The following DMD variants were observed in gnomAD, a reference collection of about 807,000 sequenced individuals.
The protein encoded by DMD is dystrophin.
DMD carries 63 observed loss-of-function variants against 330.1 expected under a neutral mutation model. The observed-to-expected ratio is 0.19, with a 90% CI of 0.16 to 0.24. The LOEUF (loss-of-function observed/expected upper bound fraction) is 0.24. Ranked by LOEUF, DMD falls within the 10% of genes least tolerant of loss-of-function variation. The probability of loss-of-function intolerance (pLI) is 1.00; values close to 1 mark genes in which losing one functional copy is unlikely to be tolerated. For missense variants in DMD, 3,344 were observed against 2,684.1 expected (o/e 1.25, Z -5.43); for synonymous variants, 1,223 against 959.8 (o/e 1.27, Z -5.07).
At chrX:33,027,201 C>T (rs1414242193) in intron 1 of DMD, among the ~76,000 whole-genome samples, 1 of 111,902 alleles carries the variant, frequency 8.9e-6, no homozygotes, top group African/African-American at 3.3e-5. Context: ...AGGATTTAAT[C>T]ACAGGGGTCC....
chrX:32,676,309 A>T (rs1430832228), intron 9 of DMD, among the ~76,000 whole-genome samples: 1 of 111,198 alleles, frequency 9.0e-6, no homozygotes, highest in Non-Finnish European at 1.9e-5. Context: ...TCTTTCCACG[A>T]ACACAAAGTT....
intron 1 of DMD, among the ~76,000 whole-genome samples, chrX:33,060,989 G>A (rs764011996): frequency 1.8e-5 from 2 of 111,924 alleles, no homozygotes; most frequent in East Asian, 2.8e-4. Context: ...GTTGTGACTC[G>A]CTAAAGAAGG....
intron 1 of DMD, among the ~76,000 whole-genome samples, chrX:33,065,785 T>C (rs1299472946): frequency 8.9e-6 from 1 of 112,400 alleles, no homozygotes; most frequent in Non-Finnish European, 1.9e-5. Flanking sequence ...TCTCACTATA[T>C]GACAGATGTC....
intron 1 of DMD, among the ~76,000 whole-genome samples, chrX:33,148,932 G>T (rs1465276360): frequency 1.8e-5 from 2 of 110,381 alleles, no homozygotes; most frequent in Admixed American, 2.0e-4. Context: ...CCTTGAATTT[G>T]GGTGGGTTCT....
intron 53 of DMD, among the ~76,000 whole-genome samples, chrX:31,678,009 A>G (rs2082173782): frequency 8.9e-6 from 1 of 112,330 alleles, no homozygotes. Context: ...CAGTGTGTTG[A>G]AAATGACAAG....
At chrX:31,565,144 G>A (rs920470654) in intron 55 of DMD, among the ~76,000 whole-genome samples, 14 of 111,618 alleles carry the variant, frequency 1.3e-4, no homozygotes. Flanking sequence ...CCCTGACCCC[G>A]TCTCCCTGAA....
At chrX:31,838,714 C>A (rs754747762) in intron 48 of DMD, among the ~76,000 whole-genome samples, 81 of 111,536 alleles carry the variant, frequency 7.3e-4, no homozygotes, top group African/African-American at 2.5e-3. Context: ...TTGCCTTCCC[C>A]AACCCTGATT....
chrX:32,154,932 G>A (rs759177707), intron 44 of DMD, among the ~76,000 whole-genome samples: 4 of 110,983 alleles, frequency 3.6e-5, no homozygotes, highest in Non-Finnish European at 7.5e-5. Context: ...AATGCTCCAG[G>A]AGAGGGAAGT....
At chrX:31,629,707 C>T (rs2079036974) in intron 54 of DMD, among the ~76,000 whole-genome samples, 2 of 111,269 alleles carry the variant, frequency 1.8e-5, no homozygotes, top group South Asian at 7.6e-4. Context: ...AAATTCAGAA[C>T]CACTGCAACA....
chrX:32,241,006 A>T (rs1205273090), intron 43 of DMD, among the ~76,000 whole-genome samples: 3 of 112,310 alleles, frequency 2.7e-5, no homozygotes, highest in Non-Finnish European at 5.6e-5. Flanking sequence ...AAATTGGCTT[A>T]CTTGTCCTAA....
intron 62 of DMD, among the ~76,000 whole-genome samples, chrX:31,296,418 T>G (rs1016043034): frequency 2.7e-5 from 3 of 111,914 alleles, no homozygotes; most frequent in Non-Finnish European, 3.8e-5. Context: ...AAGCTATTTT[T>G]TAATCCAATG....
At chrX:32,159,290 A>T (rs911784045) in intron 44 of DMD, among the ~76,000 whole-genome samples, 1 of 112,331 alleles carries the variant, frequency 8.9e-6, no homozygotes, top group Non-Finnish European at 1.9e-5. Context: ...ATATGGAAGA[A>T]ATAGACATGG....
intron 71 of DMD, among the ~76,000 whole-genome samples, chrX:31,177,712 G>A (rs1374275694): frequency 3.7e-5 from 4 of 108,228 alleles, no homozygotes; most frequent in African/African-American, 1.3e-4. Flanking sequence ...CCTGGTGGAG[G>A]AACCAAAAAA....
At chrX:31,415,830 T>C (rs766695459) in intron 60 of DMD, among the ~76,000 whole-genome samples, 8 of 110,641 alleles carry the variant, frequency 7.2e-5, no homozygotes, top group African/African-American at 2.3e-4. Flanking sequence ...CCCCCAGAGA[T>C]TGAATTGGTC....
At chrX:32,702,354 G>GAA (rs750031279) in intron 7 of DMD, among the ~76,000 whole-genome samples, 87 of 111,636 alleles carry the variant, frequency 7.8e-4, no homozygotes, top group Non-Finnish European at 1.4e-3. Flanking sequence ...TCAATAGCTG[G>GAA]AAATGAGGGA....
At chrX:31,207,913 C>T (rs1456675958) in intron 65 of DMD, among the ~76,000 whole-genome samples, 1 of 111,026 alleles carries the variant, frequency 9.0e-6, no homozygotes, top group African/African-American at 3.3e-5. Flanking sequence ...TGGGTTAATA[C>T]CTGAGTGATG....
intron 30 of DMD, among the ~76,000 whole-genome samples, chrX:32,400,386 C>T (rs1352143711): frequency 9.0e-6 from 1 of 111,204 alleles, no homozygotes; most frequent in African/African-American, 3.3e-5. Flanking sequence ...ATTTTTTCAT[C>T]AATGTTCATC....
intron 44 of DMD, among the ~76,000 whole-genome samples, chrX:32,073,595 C>T (rs1369523004): frequency 9.0e-6 from 1 of 111,353 alleles, no homozygotes; most frequent in Non-Finnish European, 1.9e-5. Context: ...ATCCCACTTG[C>T]AAAATGAATG....
chrX:32,429,522 T>G (rs2098229309), intron 29 of DMD, among the ~76,000 whole-genome samples: 1 of 106,194 alleles, frequency 9.4e-6, no homozygotes, highest in Admixed American at 1.0e-4. Context: ...CCGCTGGTAT[T>G]TTTCTACCAT....
Sources: allele counts gnomAD v4.1 joint callset (sites outside exome capture counted in the v4.1 genomes callset), GRCh38; gene constraint gnomAD v4.1.1; transcripts MANE v1.5; gene names NCBI Gene and HGNC (gene_info 2026-07-23, HGNC 2026-07-21).